TECTA: variants seen among roughly 807,000 people sequenced by gnomAD.
TECTA encodes the protein alpha-tectorin.
A neutral mutation model predicts 216.8 loss-of-function variants in TECTA; 128 were observed. The observed-to-expected ratio is 0.59, with a 90% CI of 0.51 to 0.68. The LOEUF is 0.68. Ranked by LOEUF, TECTA falls within the 30% of genes least tolerant of loss-of-function variation. The pLI, the probability that TECTA is intolerant of heterozygous loss-of-function variation, is 0.00. For synonymous variants in TECTA, 1,089 were observed against 1,117.1 expected, an observed-to-expected ratio of 0.97 and a Z score of 0.50; for missense variants, 2,551 against 2,786.2, an observed-to-expected ratio of 0.92 and a Z score of 1.90.
intron 14 of TECTA, among the ~76,000 whole-genome samples, chr11:121,158,885 C>A (rs1478602730): frequency 6.6e-6 from 1 of 152,188 alleles, no homozygotes; most frequent in Non-Finnish European, 1.5e-5. Flanking sequence ...GGCTCTCCGA[C>A]TTGAATTCCT....
rs1010309028 is a variant in TECTA, at chr11:121,105,180, T to G, written c.65-651T>G. 6.6e-6 allele frequency among the ~76,000 whole-genome samples: 1 copy of G among 152,180 alleles called. No homozygotes were observed. The highest frequency in any genetic ancestry group is 2.4e-5 in the African/African-American group (1 of 41,440). ...AATCAGAGCCCTGCAATTCATTCTC[T>G]CCAAAGAGTTCTCAAGGACCCAACC... is the stretch of plus-strand genomic sequence containing the variant. On this transcript the variant is annotated intron_variant, in intron 2 of 23. Coordinates refer to ENST00000392793, the MANE Select transcript of TECTA (RefSeq NM_005422.4). The surrounding 1 kb of genome is among the most constrained non-coding windows in gnomAD (Gnocchi z 5.3).
chr11:121,166,821 G>C (rs489985), intron 18 of TECTA, 41 bp downstream of exon 18: 6 of 1,607,066 alleles, frequency 3.7e-6, no homozygotes, highest in Non-Finnish European at 5.1e-6. Flanking sequence ...CAGAGGCAGC[G>C]ACAGCTTCGA....
rs1946740779 is a variant in TECTA at position 121,137,448 on chromosome 11, T to G, written c.2969T>G (p.Phe990Cys). 6.2e-7 allele frequency: 1 copy of G among 1,613,938 alleles called. No individual in the cohort carries two copies. The highest frequency in any genetic ancestry group is 8.5e-7 in the Non-Finnish European group (1 of 1,179,986). Residue 990 changes from phenylalanine (F) to cysteine (C), a missense_variant, in exon 11 of 24, where the codon TTT (phenylalanine) becomes TGT (cysteine). Around this residue, in one of 3 missense-constraint regions of TECTA, gnomAD observed 2,375 missense variants for 2,563.9 expected, o/e 0.93. Transcript: ENST00000392793. Reference sequence around the variant, plus strand: ...CTGGAGTGCCCAGAGAACAGCCACTTTGAGGAGTGCATCACATGTACAGAG... The same window carrying G: ...CTGGAGTGCCCAGAGAACAGCCACTGTGAGGAGTGCATCACATGTACAGAG... The part of the protein sequence containing the change: ...CPLECPENSH[F>C]EECITCTETC...
At chr11:121,115,751 C>T (rs1271919044) in intron 6 of TECTA, among the ~76,000 whole-genome samples, 2 of 152,156 alleles carry the variant, frequency 1.3e-5, no homozygotes, top group Non-Finnish European at 2.9e-5. Context: ...ACTCCAAACT[C>T]CTGGGCTCAA....
At chr11:121,114,640 C>T (rs1346005224) in intron 6 of TECTA, among the ~76,000 whole-genome samples, 37 of 77,682 alleles carry the variant, frequency 4.8e-4, no homozygotes, top group African/African-American at 9.5e-4. Flanking sequence ...CACCCATCCA[C>T]CCACCCATCC....
At chr11:121,135,123 G>A (rs567871491) in intron 10 of TECTA, among the ~76,000 whole-genome samples, 12 of 152,336 alleles carry the variant, frequency 7.9e-5, no homozygotes, top group Admixed American at 5.2e-4. Context: ...TCGTCAGGCC[G>A]CCGAGCACTA....
intron 20 of TECTA, among the ~76,000 whole-genome samples, chr11:121,172,763 C>T (rs1947125000): frequency 6.6e-6 from 1 of 152,208 alleles, no homozygotes; most frequent in Non-Finnish European, 1.5e-5. Context: ...GGAATCGCCA[C>T]ACTGACTTCT....
chr11:121,168,272 G>C, intron 19 of TECTA, 55 bp downstream of exon 19: 1 of 1,609,942 alleles, frequency 6.2e-7, no homozygotes, highest in South Asian at 1.1e-5. Context: ...GACAGTTAAG[G>C]TTAGCATAAT....
At position 121,128,322 on chromosome 11, in the gene TECTA, G is replaced by A; in HGVS notation, c.2345G>A (p.Gly782Asp). Residue 782 changes from glycine to aspartate, a missense_variant, in exon 9 of 24, where the codon GGC becomes GAC. By Grantham distance (94) the Gly-to-Asp change is moderately conservative. This residue lies in a region of TECTA where 2,375 missense variants were observed against 2,563.9 expected (regional missense o/e 0.93). Coordinates refer to ENST00000392793, the MANE Select transcript of TECTA (RefSeq NM_005422.4). ...LVADQEVKIG[G>D]IGASEVKLNG... is the part of the protein sequence containing the mutation. ...GCCGACCAGGAGGTCAAGATAGGAG[G>A]CATCGGGGCTTCGGAAGTCAAGGTA... 3 of 1,599,672 alleles carry A rather than the reference G, an allele frequency of 1.9e-6. No homozygotes were observed. The highest frequency in any genetic ancestry group is 2.5e-6 in the Non-Finnish European group (3 of 1,179,946).
intron 3 of TECTA, among the ~76,000 whole-genome samples, chr11:121,108,294 C>A (rs978505477): frequency 3.3e-5 from 5 of 151,814 alleles, no homozygotes; most frequent in African/African-American, 1.2e-4. Context: ...CACATACACA[C>A]ACACACCACT....
intron 20 of TECTA, among the ~76,000 whole-genome samples, chr11:121,171,025 T>C (rs1947106557): frequency 6.6e-6 from 1 of 152,154 alleles, no homozygotes; most frequent in Non-Finnish European, 1.5e-5. Flanking sequence ...TGAAGCATGT[T>C]CACTTTGTTT....
At chr11:121,170,382 G>A (rs1020077482) in intron 20 of TECTA, among the ~76,000 whole-genome samples, 1 of 152,104 alleles carries the variant, frequency 6.6e-6, no homozygotes, top group Non-Finnish European at 1.5e-5. Context: ...TAGTGGCCTT[G>A]CTGGATCATG....
intron 7 of TECTA, among the ~76,000 whole-genome samples, chr11:121,121,808 A>G (rs1946561291): frequency 6.6e-6 from 1 of 152,192 alleles, no homozygotes; most frequent in African/African-American, 2.4e-5. Context: ...AGAGCAGAGG[A>G]GCCCATTCAG....
chr11:121,189,372 C>T lies in TECTA; in HGVS notation c.6250+205C>T, dbSNP rs958385252. ...ATGGCATTGAGGTTTTCTTTGTCCT[C>T]CTCTTTTTTTTTTTTCTTTGAGACG... On this transcript the variant is annotated intron_variant, in intron 22 of 23. Coordinates refer to ENST00000392793, the MANE Select transcript of TECTA (RefSeq NM_005422.4). Among the ~76,000 whole-genome samples the T allele has an allele frequency of 5.3e-5, 7 of 131,318 alleles. 1 individual carries two copies. 86.1% of individuals were successfully genotyped at this position (131,318 alleles called of 152,430 possible).
chr11:121,172,391 A>C (rs1947121250), intron 20 of TECTA, among the ~76,000 whole-genome samples: 1 of 150,892 alleles, frequency 6.6e-6, no homozygotes, highest in Admixed American at 6.6e-5. Context: ...TCCTGTGTCC[A>C]TGTGTTCTCA....
Position 121,171,109 on chromosome 11 carries a change from G to C in TECTA, c.5999+2184G>C, listed in dbSNP as rs562005530. 2.6e-4 allele frequency among the ~76,000 whole-genome samples: 40 copies of C among 152,170 alleles called. No homozygotes were observed. The South Asian group carries it at 7.9e-3, about 30-fold the overall frequency. On this transcript the variant is annotated intron_variant, in intron 20 of 23. Coordinates refer to ENST00000392793, the MANE Select transcript of TECTA (RefSeq NM_005422.4). ...CTCTTTGAGTTGATTTTTGTTTATG[G>C]TGAGACACAGGGGTATAATTTAATT...
At chr11:121,128,740 T>G (rs1946641951) in intron 9 of TECTA, among the ~76,000 whole-genome samples, 1 of 152,150 alleles carries the variant, frequency 6.6e-6, no homozygotes, top group Non-Finnish European at 1.5e-5. Flanking sequence ...TGAAGGGAGA[T>G]TCACACCTGC....
chr11:121,129,011 C>T (rs568913561), intron 9 of TECTA, among the ~76,000 whole-genome samples: 33 of 152,266 alleles, frequency 2.2e-4, no homozygotes, highest in African/African-American at 5.5e-4. Context: ...TGTTGCAGAA[C>T]GGGGATGCAA....
At chr11:121,106,060 A>G in intron 3 of TECTA, 96 bp downstream of exon 3, 1 of 1,596,126 alleles carries the variant, frequency 6.3e-7, no homozygotes, top group Middle Eastern at 1.7e-4. Context: ...GAGCTCTGGG[A>G]AGGGAGGATT....
Sources: allele counts gnomAD v4.1 joint callset (sites outside exome capture counted in the v4.1 genomes callset), GRCh38; gene constraint gnomAD v4.1.1; regional missense constraint gnomAD v4.1.1; non-coding constraint Gnocchi (gnomAD v3.1); transcripts MANE v1.5; gene names NCBI Gene and HGNC (gene_info 2026-07-23, HGNC 2026-07-21).